Variants in TEAD4 observed in about 807,000 individuals in gnomAD.
TEAD4 encodes TEA domain transcription factor 4.
In TEAD4, 36 loss-of-function variants were observed where a neutral mutation model predicts 52.4. The ratio of observed to expected loss-of-function variants is 0.69; its 90% CI spans 0.53 to 0.91. TEAD4 has a LOEUF of 0.91. Ranked by LOEUF, TEAD4 falls within the 40% of genes least tolerant of loss-of-function variation. The pLI, the probability that TEAD4 is intolerant of heterozygous loss-of-function variation, is 0.00. For synonymous variants in TEAD4, 220 were observed against 231.0 expected (o/e 0.95, Z 0.43); for missense variants, 508 against 583.9 (o/e 0.87, Z 1.34).
Position 3,021,978 on chromosome 12 carries a change from A to G in TEAD4, c.858A>G (p.Glu286=). 1 of 1,614,222 alleles carries G rather than the reference A, an allele frequency of 6.2e-7. No homozygotes were observed. Among genetic ancestry groups the G allele is most frequent in the South Asian group, 1.1e-5 (1 of 91,090 alleles). ...AGGGTGGACTCAAGGATCTCTTCGA[A>G]CGGGGACCCTCCAATGCCTTTTTTC... Residue 286 remains glutamate, a synonymous_variant, in exon 10 of 13, where the codon GAA becomes GAG. Transcript: ENST00000359864.
intron 5 of TEAD4, 54 bp from the exon 6 acceptor site, chr12:3,017,344 C>T: frequency 6.2e-7 from 1 of 1,611,930 alleles, no homozygotes. Context: ...ACCTGCCTGG[C>T]CTCAGCCTGA....
rs1285600827 is a variant in TEAD4 at position 3,012,234 on chromosome 12, T to C, written c.354+2T>C. ...CGCGAGATCCAGGCCAAGCTAAAGG[T>C]AAGGAAACTGCAGTGGGGGTGCTGG... On this transcript the variant is annotated splice_donor_variant, in intron 5 of 12. Coordinates refer to ENST00000359864, the MANE Select transcript of TEAD4 (RefSeq NM_003213.4). LOFTEE classifies it high-confidence loss of function. The C allele has an allele frequency of 1.2e-6, 2 of 1,613,642 alleles. No homozygotes were observed. The highest frequency in any genetic ancestry group is 2.7e-5 in the African/African-American group (2 of 74,854).
intron 10 of TEAD4, among the ~76,000 whole-genome samples, chr12:3,033,857 G>A (rs1201913027): frequency 1.4e-5 from 2 of 146,712 alleles, no homozygotes; most frequent in Non-Finnish European, 2.9e-5. Context: ...GGGATATGAG[G>A]GTGGACAGGA....
In TEAD4 at chr12:3,040,096, G is replaced by A. The variant is rs762406341; in HGVS notation, c.1039-11G>A. On this transcript the variant is annotated splice_polypyrimidine_tract_variant and intron_variant, in intron 11 of 12. Transcript: ENST00000359864. The stretch of plus-strand genomic sequence containing the variant: ...GGGATTCTAAGCCCCTGCTCTCCCC[G>A]GGTCCTGCAGACAGAGTATGCTCGC... The A allele has an allele frequency of 6.9e-5, 111 of 1,613,610 alleles. No homozygotes were observed. In the Admixed American group the frequency reaches 1.5e-3, roughly 22 times the overall value.
At chr12:2,970,411 G>A (rs1364974637) in intron 2 of TEAD4, among the ~76,000 whole-genome samples, 1 of 152,232 alleles carries the variant, frequency 6.6e-6, no homozygotes, top group East Asian at 1.9e-4. Context: ...TACGGTGTAT[G>A]TGAAGACTAA....
At chr12:2,988,864 G>A (rs1397437770) in intron 2 of TEAD4, among the ~76,000 whole-genome samples, 1 of 152,226 alleles carries the variant, frequency 6.6e-6, no homozygotes, top group African/African-American at 2.4e-5. Context: ...ACGGGTGGAG[G>A]GACCTGAAGG....
chr12:2,968,385 C>CTTTTT (rs61672018), intron 2 of TEAD4, among the ~76,000 whole-genome samples: 555 of 55,064 alleles, frequency 0.01, 167 homozygotes, highest in African/African-American at 0.033. Context: ...CGCGCCCGGC[C>CTTTTT]TTTTTTTTTT....
intron 10 of TEAD4, among the ~76,000 whole-genome samples, chr12:3,023,956 T>C (rs1448428123): frequency 6.6e-6 from 1 of 152,190 alleles, no homozygotes; most frequent in Non-Finnish European, 1.5e-5. Flanking sequence ...GATGTCAGGA[T>C]TAAGACATTA....
rs758015153 is a variant in TEAD4 at position 3,037,991 on chromosome 12, G to A, written c.921G>A (p.Glu307=). The stretch of plus-strand genomic sequence containing the variant: ...AGGCAGACCTCAACACCAACATCGA[G>A]GATGAAGGCAGCTCCTTCTATGGGG... Residue 307 remains glutamate, a synonymous_variant, in exon 11 of 13, where the codon GAG becomes GAA. Transcript: ENST00000359864. The A allele has an allele frequency of 6.2e-7, 1 of 1,613,918 alleles. No individual in the cohort carries two copies. The highest frequency in any genetic ancestry group is 8.5e-7 in the Non-Finnish European group (1 of 1,179,874).
chr12:2,971,649 G>T, intron 2 of TEAD4, among the ~76,000 whole-genome samples: 1 of 149,826 alleles, frequency 6.7e-6, no homozygotes, highest in Non-Finnish European at 1.5e-5. Flanking sequence ...CTAATTTTTT[G>T]TATTTTTAGT....
intron 2 of TEAD4, among the ~76,000 whole-genome samples, chr12:2,992,008 G>A (rs2098243408): frequency 7.4e-6 from 1 of 135,676 alleles, no homozygotes; most frequent in Non-Finnish European, 1.5e-5. Flanking sequence ...TGGGGGGGGC[G>A]GTTCCTGCTT....
At chr12:3,021,186 GT>G (rs1276111606) in intron 9 of TEAD4, among the ~76,000 whole-genome samples, 2 of 152,170 alleles carry the variant, frequency 1.3e-5, no homozygotes. Context: ...ATACCAGCCT[GT>G]CCCCTTCGGT....
At chr12:3,029,017 A>G (rs2098273786) in intron 10 of TEAD4, among the ~76,000 whole-genome samples, 2 of 152,078 alleles carry the variant, frequency 1.3e-5, no homozygotes, top group South Asian at 4.1e-4. Context: ...CTTATCAGTT[A>G]TATGATTTGT....
At position 3,019,142 on chromosome 12, in the gene TEAD4, T is replaced by C. The variant is rs747295248; in HGVS notation, c.555T>C (p.Tyr185=). Residue 185 remains tyrosine (Y), a synonymous_variant, in exon 8 of 13, where the codon TAT becomes TAC. Coordinates refer to ENST00000359864, the MANE Select transcript of TEAD4 (RefSeq NM_003213.4). The stretch of plus-strand genomic sequence containing the variant: ...TGAAGCCTTTCTCTCAGCAAACCTA[T>C]GCTGTCCAGCCTCCGCTGCCTCTGC... The C allele has an allele frequency of 1.3e-5, 21 of 1,613,938 alleles. No homozygotes were observed. The highest frequency in any genetic ancestry group is 1.7e-5 in the Non-Finnish European group (20 of 1,179,998).
At chr12:2,977,024 T>C (rs2098230297) in intron 2 of TEAD4, among the ~76,000 whole-genome samples, 1 of 152,198 alleles carries the variant, frequency 6.6e-6, no homozygotes, top group Non-Finnish European at 1.5e-5. Flanking sequence ...TCCCTCCTGA[T>C]GACTACAGGG....
chr12:3,018,937 G>A (rs71534246), intron 7 of TEAD4, among the ~76,000 whole-genome samples, 178 bp from the exon 8 acceptor site: 37,026 of 151,876 alleles, frequency 0.24, 5,355 homozygotes, highest in African/African-American at 0.41. Context: ...CGCTGTGTCT[G>A]TGGACCCGCC....
At chr12:2,987,051 A>G (rs2098239123) in intron 2 of TEAD4, among the ~76,000 whole-genome samples, 1 of 152,204 alleles carries the variant, frequency 6.6e-6, no homozygotes, top group Admixed American at 6.5e-5. Flanking sequence ...AGGAGGTGGA[A>G]CAGGATATGG....
intron 3 of TEAD4, among the ~76,000 whole-genome samples, chr12:2,999,223 C>T (rs1326370472): frequency 6.6e-6 from 1 of 152,136 alleles, no homozygotes; most frequent in Non-Finnish European, 1.5e-5. Flanking sequence ...CGCTTCCCAT[C>T]CTCTGTGTAC....
chr12:2,964,316 T>G (rs891578067), intron 2 of TEAD4, among the ~76,000 whole-genome samples: 6 of 152,166 alleles, frequency 3.9e-5, no homozygotes, highest in Non-Finnish European at 8.8e-5. Context: ...AAGGCTGGTG[T>G]TGTTGCTCCC....
Sources: allele counts gnomAD v4.1 joint callset (sites outside exome capture counted in the v4.1 genomes callset), GRCh38; gene constraint gnomAD v4.1.1; transcripts MANE v1.5; gene names NCBI Gene and HGNC (gene_info 2026-07-23, HGNC 2026-07-21).